Variants in DST observed in about 807,000 individuals in gnomAD.
The protein encoded by DST is bullous pemphigoid antigen.
Under a neutral mutation model 875.2 loss-of-function variants are expected in DST, and 253 were observed. The observed-to-expected ratio is 0.29, with a 90% CI of 0.26 to 0.32. The LOEUF (loss-of-function observed/expected upper bound fraction) is 0.32. Ranked by LOEUF, DST falls within the 10% of genes least tolerant of loss-of-function variation. The pLI is 1.00. For synonymous variants in DST, 3,124 were observed against 3,197.1 expected, an observed-to-expected ratio of 0.98 and a Z score of 0.77; for missense variants, 8,287 against 9,111.6, an observed-to-expected ratio of 0.91 and a Z score of 3.68.
At chr6:56,611,375 T>A in intron 38 of DST, 133 bp downstream of exon 38, 1 of 579,830 alleles carries the variant, frequency 1.7e-6, no homozygotes, top group South Asian at 1.9e-5. Context: ...ACTCTTTACA[T>A]TACTATATTA....
chr6:56,925,492 C>T (rs1478963226), intron 2 of DST, among the ~76,000 whole-genome samples: 1 of 152,216 alleles, frequency 6.6e-6, no homozygotes, highest in African/African-American at 2.4e-5. Flanking sequence ...CATTGACTTA[C>T]AGGTAAAAAC....
chr6:56,597,829 C>T lies in DST; in HGVS notation c.12106G>A (p.Glu4036Lys), dbSNP rs2098406107. The T allele has an allele frequency of 6.2e-7, 1 of 1,613,982 alleles. No homozygotes were observed. The highest frequency in any genetic ancestry group is 1.1e-5 in the South Asian group (1 of 91,080). ...DGKSAIGEED[E>K]VNGNLLETDV... is the part of the protein sequence containing the mutation. ...GTCTCCAACAGGTTACCATTAACTT[C>T]ATCCTCTTCTCCAATTGCTGACTTG... is the stretch of plus-strand genomic sequence containing the variant. Residue 4036 changes from glutamate to lysine, a missense_variant, in exon 47 of 104, where the codon GAA becomes AAA. Transcript: ENST00000680361.
At chr6:56,519,946 A>C (rs1401038119) in intron 69 of DST, among the ~76,000 whole-genome samples, 1 of 152,232 alleles carries the variant, frequency 6.6e-6, no homozygotes, top group Non-Finnish European at 1.5e-5. Context: ...AGCAGCCATG[A>C]TAAAAATGCT....
chr6:56,620,610 C>T (rs2098681548), intron 36 of DST: 1 of 1,613,988 alleles, frequency 6.2e-7, no homozygotes, highest in African/African-American at 1.3e-5. Flanking sequence ...CTTTCCAACT[C>T]ACTTATCTTT....
At position 56,615,643 on chromosome 6, in the gene DST, T is replaced by G. The variant is rs376757243; in HGVS notation, c.4930-1159A>C. 2 of 1,614,016 alleles carry G rather than the reference T, an allele frequency of 1.2e-6. No individual in the cohort carries two copies. The highest frequency in any genetic ancestry group is 2.7e-5 in the African/African-American group (2 of 74,942). On this transcript the variant is annotated intron_variant, in intron 36 of 103. Coordinates refer to ENST00000680361, the MANE Select transcript of DST (RefSeq NM_001374736.1). ...CTTCTTTATATGTCAACTTTCTTTT[T>G]GTCTGAGGGCATATTATATTTCTGA... is the stretch of plus-strand genomic sequence containing the variant.
rs2152777230 is a variant in DST, at chr6:56,640,187, T to C, written c.2446A>G (p.Met816Val). 3 of 1,614,184 alleles carry C rather than the reference T, an allele frequency of 1.9e-6. No homozygotes were observed. Among genetic ancestry groups the C allele is most frequent in the South Asian group, 2.2e-5 (2 of 91,086 alleles). ...TTCAAAAGATCCTGAACAAATTTCA[T>C]ATTGATTTCTTCTTCTGTTAAATTT... ...DQNLTEEEIN[M>V]KFVQDLLNWV... Residue 816 changes from methionine to valine, a missense_variant, in exon 18 of 104, where the codon ATG becomes GTG. By Grantham distance (21) the Met-to-Val change is conservative (BLOSUM62 1). Around this residue, in one of 10 missense-constraint regions of DST, gnomAD observed 1,160 missense variants for 1,424.3 expected, o/e 0.81. Transcript: ENST00000680361.
chr6:56,558,576 CTAT>C (rs2097470607), intron 58 of DST, among the ~76,000 whole-genome samples: 1 of 152,068 alleles, frequency 6.6e-6, no homozygotes, highest in Non-Finnish European at 1.5e-5. Context: ...AGTATCCCTG[CTAT>C]TAATGTTTCT....
rs533096812 is a variant in DST at position 56,526,358 on chromosome 6, T to C, written c.18129+3A>G. 9.9e-6 allele frequency: 16 copies of C among 1,613,566 alleles called. No individual in the cohort carries two copies. The highest frequency in any genetic ancestry group is 2.2e-5 in the South Asian group (2 of 91,080). ...GCCTAAACAACAAACCATTTTTCCC[T>C]ACCTGCTGTGATCGCAGAATGGCTG... is the stretch of plus-strand genomic sequence containing the variant. On this transcript the variant is annotated splice_donor_region_variant and intron_variant, in intron 69 of 103. Transcript: ENST00000680361.
rs201555114 is a variant in DST at position 56,485,363 on chromosome 6, C to T, written c.21156G>A (p.Gln7052=). 1 of 1,613,896 alleles carries T rather than the reference C, an allele frequency of 6.2e-7. No individual in the cohort carries two copies. The highest frequency in any genetic ancestry group is 1.7e-5 in the Admixed American group (1 of 60,018). ...YRVEPQLAED[Q]PVHGDIDLVM... Reference sequence around the variant, plus strand: ...CCAAATCAATGTCTCCATGAACAGGCTGGTCTTCTGCCAGCTGGGGTTCAA... The same window carrying T: ...CCAAATCAATGTCTCCATGAACAGGTTGGTCTTCTGCCAGCTGGGGTTCAA... Residue 7052 remains glutamine, a synonymous_variant, in exon 88 of 104, where the codon CAG becomes CAA. Transcript: ENST00000680361.
Position 56,561,413 on chromosome 6 carries a change from T to C in DST, c.14205A>G (p.Ala4735=). ...KLQKAQEESS[A]MMQWLQKMNK... ...TCATTTTCTGTAACCACTGCATCAT[T>C]GCACTTGATTCTTCCTGAGCCTTTT... Residue 4735 remains alanine, a synonymous_variant, in exon 57 of 104, where the codon GCA becomes GCG. Transcript: ENST00000680361. 1.2e-6 allele frequency: 2 copies of C among 1,613,908 alleles called. No homozygotes were observed. The highest frequency in any genetic ancestry group is 1.1e-5 in the South Asian group (1 of 91,068).
intron 4 of DST, among the ~76,000 whole-genome samples, chr6:56,763,262 CA>C (rs1450697689): frequency 1.3e-5 from 2 of 152,180 alleles, no homozygotes; most frequent in African/African-American, 4.8e-5. Context: ...TCCACATAAG[CA>C]TTAATTCATG....
At chr6:56,758,322 C>G (rs544621583) in intron 4 of DST, among the ~76,000 whole-genome samples, 1 of 152,224 alleles carries the variant, frequency 6.6e-6, no homozygotes, top group South Asian at 2.1e-4. Context: ...TTTTTTTGTA[C>G]TTCTTCAATC....
chr6:56,922,749 T>C (rs540376343), intron 2 of DST, among the ~76,000 whole-genome samples: 66 of 152,346 alleles, frequency 4.3e-4, no homozygotes, highest in African/African-American at 1.6e-3. Context: ...TGACTTTTAA[T>C]GAGTAGTTTC....
chr6:56,727,746 T>C (rs1056351117), intron 5 of DST, among the ~76,000 whole-genome samples: 8 of 152,222 alleles, frequency 5.3e-5, no homozygotes, highest in African/African-American at 1.9e-4. Flanking sequence ...AGAGGCCATG[T>C]GCCCTAGCAT....
chr6:56,954,351 C>T (rs1824147353), intron 1 of DST, 56 bp downstream of exon 1: 1 of 1,287,690 alleles, frequency 7.8e-7, no homozygotes, highest in Admixed American at 2.2e-5. Context: ...CTTCACTCTC[C>T]AAATCGGCTT....
At chr6:56,654,184 GA>G (rs533469062) in intron 10 of DST, among the ~76,000 whole-genome samples, 73 of 151,546 alleles carry the variant, frequency 4.8e-4, no homozygotes, top group African/African-American at 1.7e-3. Context: ...TCTTTTTATG[GA>G]AAAAAAGGCC....
rs182722778 is a variant in DST, at chr6:56,645,749, A to G, written c.1778+117T>C. On this transcript the variant is annotated intron_variant, in intron 15 of 103. Transcript: ENST00000680361. ...CTAGGTAAGAAAATGGAGGATCAAA[A>G]GGATTAAGAGACTTATCCAAGGCCA... 1.2e-5 allele frequency: 14 copies of G among 1,210,158 alleles called. No individual in the cohort carries two copies. The Middle Eastern group carries it at 6.0e-4, about 52-fold the overall frequency. 75.0% of individuals were successfully genotyped at this position (1,210,158 alleles called of 1,614,324 possible).
At chr6:56,492,192 G>C (rs748108925) in intron 85 of DST, 35 bp downstream of exon 85, 1 of 1,570,362 alleles carries the variant, frequency 6.4e-7, no homozygotes, top group Non-Finnish European at 8.8e-7. Context: ...GTGGTTTATT[G>C]ACAAGTTCAG....
chr6:56,659,806 A>G (rs1256043734), intron 10 of DST, among the ~76,000 whole-genome samples: 1 of 152,190 alleles, frequency 6.6e-6, no homozygotes, highest in Admixed American at 6.5e-5. Flanking sequence ...ATCCAATAAG[A>G]AAGATCTATT....
Sources: gnomAD v4.1 joint callset for allele counts (sites outside exome capture counted in the v4.1 genomes callset) on GRCh38, gnomAD v4.1.1 for gene constraint, gnomAD v4.1.1 regional missense constraint, MANE v1.5 for transcripts, NCBI Gene and HGNC (gene_info 2026-07-23, HGNC 2026-07-21) for gene names.